Variants in DPP6 observed in about 807,000 individuals in gnomAD.
The protein encoded by DPP6 is A-type potassium channel modulatory protein DPP6.
In DPP6, 69 loss-of-function variants were observed where a neutral mutation model predicts 122.6. The ratio of observed to expected loss-of-function variants is 0.56; its 90% CI spans 0.46 to 0.69. The LOEUF (loss-of-function observed/expected upper bound fraction) is 0.69, where lower values mean the gene tolerates loss of function less well. DPP6 is among the 30% of genes least tolerant of loss of function. The pLI is 0.00. For missense variants in DPP6, 928 were observed against 1,116.9 expected (o/e 0.83, Z 2.41); for synonymous variants, 418 against 433.1 (o/e 0.97, Z 0.43).
At chr7:154,359,727 T>C (rs1460768300) in intron 1 of DPP6, among the ~76,000 whole-genome samples, 2 of 152,180 alleles carry the variant, frequency 1.3e-5, no homozygotes, top group Non-Finnish European at 2.9e-5. Context: ...GAAGTACTAA[T>C]AGATGGGTGA....
intron 2 of DPP6, among the ~76,000 whole-genome samples, chr7:154,458,237 GT>G: frequency 6.6e-6 from 1 of 152,200 alleles, no homozygotes; most frequent in Admixed American, 6.5e-5. Context: ...ATGGGGGTGG[GT>G]TTTTTGTGCT....
intron 1 of DPP6, among the ~76,000 whole-genome samples, chr7:153,991,551 CT>C (rs1406387798): frequency 2.0e-5 from 3 of 152,176 alleles, no homozygotes; most frequent in Non-Finnish European, 4.4e-5. Context: ...TTAGAGTCTT[CT>C]TTCCCCTGGT....
intron 7 of DPP6, among the ~76,000 whole-genome samples, chr7:154,702,623 T>C (rs1031885557): frequency 6.6e-6 from 1 of 152,176 alleles, no homozygotes; most frequent in African/African-American, 2.4e-5. Flanking sequence ...CTCTCTTCAA[T>C]TCTGTGAAGG....
intron 7 of DPP6, among the ~76,000 whole-genome samples, chr7:154,727,036 A>G (rs1842099653): frequency 6.6e-6 from 1 of 152,132 alleles, no homozygotes; most frequent in African/African-American, 2.4e-5. Context: ...ACCTCTGCCT[A>G]TTACCAAGTT....
chr7:154,081,959 C>T (rs550476383), intron 1 of DPP6, among the ~76,000 whole-genome samples: 3 of 152,142 alleles, frequency 2.0e-5, no homozygotes, highest in Non-Finnish European at 4.4e-5. Context: ...GGGGACGTCT[C>T]CCTACTGATT....
Position 154,305,341 on chromosome 7 carries a change from C to T in DPP6, c.244-140873C>T, listed in dbSNP as rs1806232191. 2 of 970,134 alleles carry T rather than the reference C, an allele frequency of 2.1e-6. 1 individual carries two copies. Among genetic ancestry groups the T allele is most frequent in the Non-Finnish European group, 2.5e-6 (2 of 814,832 alleles). 60.1% of individuals were successfully genotyped at this position (970,134 alleles called of 1,614,324 possible). A position where few individuals can be genotyped will look rare whatever the true frequency, so the allele number is the denominator to read the frequency against. ...AGAGCAAACTCGTCTTGTCTACCCA[C>T]CCTCCCTCCCCCATCCTCCCCAAAA... On this transcript the variant is annotated intron_variant, in intron 1 of 25. Coordinates refer to ENST00000377770, the MANE Select transcript of DPP6 (RefSeq NM_130797.4).
At chr7:154,323,010 T>C (rs1444894451) in intron 1 of DPP6, among the ~76,000 whole-genome samples, 1 of 151,964 alleles carries the variant, frequency 6.6e-6, no homozygotes, top group African/African-American at 2.4e-5. Context: ...TGTTTTATAG[T>C]GTGTTCCAGA....
At chr7:154,340,231 G>A (rs1452959960) in intron 1 of DPP6, among the ~76,000 whole-genome samples, 5 of 152,180 alleles carry the variant, frequency 3.3e-5, no homozygotes, top group South Asian at 4.1e-4. Context: ...TTTATGTAGA[G>A]AGTGGCAAAA....
At chr7:154,548,230 A>G (rs1397103108) in intron 4 of DPP6, among the ~76,000 whole-genome samples, 1 of 150,970 alleles carries the variant, frequency 6.6e-6, no homozygotes, top group Non-Finnish European at 1.5e-5. Flanking sequence ...AAAATAATAA[A>G]TAAGTACAGT....
chr7:154,674,277 A>C (rs1029651439), intron 7 of DPP6, among the ~76,000 whole-genome samples: 1 of 152,146 alleles, frequency 6.6e-6, no homozygotes, highest in Non-Finnish European at 1.5e-5. Context: ...GAATGTGATT[A>C]GTTGTCTGGT....
intron 7 of DPP6, among the ~76,000 whole-genome samples, chr7:154,718,494 G>T (rs1380963795): frequency 6.6e-6 from 1 of 151,906 alleles, no homozygotes; most frequent in Non-Finnish European, 1.5e-5. Context: ...ACTTCTAAAT[G>T]AAAATTTTAA....
At chr7:153,838,061 G>T in the DPP6 span, among the ~76,000 whole-genome samples, 1 of 151,894 alleles carries the variant, frequency 6.6e-6, no homozygotes, top group Non-Finnish European at 1.5e-5. Context: ...GAAAAGAAAG[G>T]CAAGTACAAT....
chr7:154,428,817 G>A (rs1818119300), intron 1 of DPP6, among the ~76,000 whole-genome samples: 1 of 152,184 alleles, frequency 6.6e-6, no homozygotes, highest in African/African-American at 2.4e-5. Context: ...AAGGCATACA[G>A]AGTGGTATAA....
At chr7:154,074,303 T>C (rs1291544345) in intron 1 of DPP6, among the ~76,000 whole-genome samples, 1 of 152,014 alleles carries the variant, frequency 6.6e-6, no homozygotes, top group Admixed American at 6.6e-5. Flanking sequence ...TTTCTGCATA[T>C]ATTAATTAGT....
At chr7:154,402,090 AG>A (rs1412187207) in intron 1 of DPP6, among the ~76,000 whole-genome samples, 1 of 151,630 alleles carries the variant, frequency 6.6e-6, no homozygotes, top group Non-Finnish European at 1.5e-5. Flanking sequence ...TTAAAAAGTC[AG>A]GAAACAACAG....
At chr7:154,004,238 CAGTT>C (rs1414046225) in intron 1 of DPP6, among the ~76,000 whole-genome samples, 15 of 152,294 alleles carry the variant, frequency 9.8e-5, no homozygotes, top group South Asian at 4.1e-4. Context: ...TTTCTGTCGT[CAGTT>C]AGTAAATCAA....
intron 3 of DPP6, among the ~76,000 whole-genome samples, chr7:154,513,885 T>G (rs1563787277): frequency 6.6e-6 from 1 of 152,192 alleles, no homozygotes; most frequent in Non-Finnish European, 1.5e-5. Context: ...CCATACATCT[T>G]TCTTAAATTA....
chr7:154,666,113 A>G (rs1408984319), intron 6 of DPP6, among the ~76,000 whole-genome samples: 2 of 151,604 alleles, frequency 1.3e-5, no homozygotes, highest in African/African-American at 2.4e-5. Context: ...GACTCGATTC[A>G]TATATATTCT....
At chr7:154,165,351 A>G (rs58914879) in intron 1 of DPP6, among the ~76,000 whole-genome samples, 2,221 of 123,066 alleles carry the variant, frequency 0.018, 67 homozygotes, top group African/African-American at 0.048. Flanking sequence ...ATTTTTTATG[A>G]CCGCATAGTA....
Sources: gnomAD v4.1 joint callset for allele counts (sites outside exome capture counted in the v4.1 genomes callset) on GRCh38, gnomAD v4.1.1 for gene constraint, MANE v1.5 for transcripts, NCBI Gene and HGNC (gene_info 2026-07-23, HGNC 2026-07-21) for gene names.